The following NPHS2 variants were observed in gnomAD, a reference collection of about 807,000 sequenced individuals.
NPHS2 encodes NPHS2 stomatin family member, podocin.
In NPHS2, 36 loss-of-function variants were observed where a neutral mutation model predicts 37.1. The observed-to-expected ratio is 0.97, with a 90% confidence interval of 0.74 to 1.28. The LOEUF is 1.28. Among genes scored for constraint, NPHS2 ranks in the 50% most tolerant of loss-of-function variants. The probability of loss-of-function intolerance (pLI) is 0.00; values close to 1 mark genes in which losing one functional copy is unlikely to be tolerated. For synonymous variants in NPHS2, 196 were observed against 189.3 expected, an observed-to-expected ratio of 1.04 and a Z score of -0.29; for missense variants, 447 against 488.1, an observed-to-expected ratio of 0.92 and a Z score of 0.79.
In NPHS2 at chr1:179,560,015, T is replaced by C. The variant is rs10913817; in HGVS notation, c.452-254A>G. On this transcript the variant is annotated intron_variant, in intron 3 of 7. Transcript: ENST00000367615. ...TGTGTGGTCCTTTTAGTCATGGTGC[T>C]GCCTCCCCAGGTCTCAATTGCGTGT... Among the ~76,000 whole-genome samples the C allele has an allele frequency of 0.73, 110,711 of 152,050 alleles. 40,473 individuals carry two copies. Among genetic ancestry groups the C allele is most frequent in the African/African-American group, 0.75 (31,087 of 41,456 alleles).
chr1:179,558,159 A>G (rs896006549), intron 4 of NPHS2, among the ~76,000 whole-genome samples: 3 of 152,158 alleles, frequency 2.0e-5, no homozygotes, highest in Admixed American at 6.6e-5. Context: ...TTGTGCAACT[A>G]TCACCACCAT....
chr1:179,575,518 A>T (rs1008981365), intron 1 of NPHS2, 73 bp downstream of exon 1: 2 of 1,583,090 alleles, frequency 1.3e-6, no homozygotes, highest in African/African-American at 2.7e-5. Flanking sequence ...CGTGGGGATG[A>T]CCCTTTCCAC....
intron 4 of NPHS2, among the ~76,000 whole-genome samples, chr1:179,559,132 C>G (rs2125786212): frequency 6.6e-6 from 1 of 152,292 alleles, no homozygotes; most frequent in Non-Finnish European, 1.5e-5. Context: ...AAGAGTTTAT[C>G]TTTTCTACTG....
intron 1 of NPHS2, among the ~76,000 whole-genome samples, chr1:179,569,657 C>T (rs570723830): frequency 4.8e-4 from 73 of 152,240 alleles, no homozygotes; most frequent in African/African-American, 1.8e-3. Context: ...TACAATTTGG[C>T]ATGTTTTTGC....
At chr1:179,555,784 C>T (rs1293802190) in intron 5 of NPHS2, among the ~76,000 whole-genome samples, 1 of 152,124 alleles carries the variant, frequency 6.6e-6, no homozygotes, top group Non-Finnish European at 1.5e-5. Context: ...AGAAGGGTGG[C>T]AAGAGGTGAG....
rs747126734 is a variant in NPHS2, at chr1:179,575,573, G to A, written c.274+18C>T. ...TTACCACCTGGAAAAGTAGCAGATA[G>A]TGGTGCTGAATCCGTACCTTCCTCG... is the stretch of plus-strand genomic sequence containing the variant. On this transcript the variant is annotated intron_variant, in intron 1 of 7. Transcript: ENST00000367615. 3 of 1,600,154 alleles carry A rather than the reference G, an allele frequency of 1.9e-6. No homozygotes were observed. The highest frequency in any genetic ancestry group is 1.3e-5 in the African/African-American group (1 of 75,050).
At chr1:179,554,607 T>C in intron 5 of NPHS2, 76 bp from the exon 6 acceptor site, 2 of 1,586,466 alleles carry the variant, frequency 1.3e-6, no homozygotes. Flanking sequence ...TGGTGGCCAT[T>C]GTTCTGTACT....
chr1:179,570,531 C>T (rs1286402138), intron 1 of NPHS2, among the ~76,000 whole-genome samples: 3 of 152,220 alleles, frequency 2.0e-5, no homozygotes, highest in African/African-American at 7.2e-5. Flanking sequence ...AGCGGTTTTC[C>T]TCCCTGGGCA....
intron 1 of NPHS2, among the ~76,000 whole-genome samples, chr1:179,569,521 G>A (rs749595051): frequency 5.3e-5 from 8 of 152,078 alleles, no homozygotes; most frequent in East Asian, 1.9e-4. Flanking sequence ...TCTTTTAATT[G>A]GAGCATTTAG....
At position 179,557,195 on chromosome 1, in the gene NPHS2, A is replaced by T. The variant is rs764648330; in HGVS notation, c.570T>A (p.Asp190Glu). Residue 190 changes from aspartate (D) to glutamate (E), a missense_variant, in exon 5 of 8, where the codon GAT becomes GAA. By Grantham distance (45) the Asp-to-Glu change is conservative. Transcript: ENST00000367615. ...TTTCCATTCGGTAGTAGCAAATGGC[A>T]TCTATCTCCATTATAAACATGTCTT... ...VTKDMFIMEI[D>E]AICYYRMENA... 1 of 1,614,050 alleles carries T rather than the reference A, an allele frequency of 6.2e-7. No individual in the cohort carries two copies.
intron 1 of NPHS2, among the ~76,000 whole-genome samples, chr1:179,569,434 A>G (rs544454577): frequency 5.9e-5 from 9 of 151,990 alleles, no homozygotes; most frequent in Non-Finnish European, 1.2e-4. Flanking sequence ...GCCTATGTGA[A>G]TCTTTGCACA....
chr1:179,552,559 G>A, intron 7 of NPHS2, 44 bp downstream of exon 7: 2 of 1,479,654 alleles, frequency 1.4e-6, no homozygotes, highest in Non-Finnish European at 1.9e-6. Flanking sequence ...TCCACGAGCA[G>A]GCCTTCCTAA....
intron 1 of NPHS2, among the ~76,000 whole-genome samples, chr1:179,566,508 G>C (rs993664217): frequency 6.6e-6 from 1 of 152,188 alleles, no homozygotes; most frequent in African/African-American, 2.4e-5. Context: ...CTCCCATTCT[G>C]TAGGTTGCCT....
At chr1:179,569,454 T>A (rs1335217005) in intron 1 of NPHS2, among the ~76,000 whole-genome samples, 1 of 152,196 alleles carries the variant, frequency 6.6e-6, no homozygotes, top group Non-Finnish European at 1.5e-5. Flanking sequence ...ATCAGATGGG[T>A]CTCTGAATAC....
Position 179,557,049 on chromosome 1 carries a change from T to C in NPHS2, c.716A>G (p.Lys239Arg). 6.2e-7 allele frequency: 1 copy of C among 1,613,924 alleles called. No homozygotes were observed. The highest frequency in any genetic ancestry group is 8.5e-7 in the Non-Finnish European group (1 of 1,179,896). ...RSLTEILLER[K>R]SIAQDAKVAL... is the part of the protein sequence containing the mutation. ...TACCTTTGCATCTTGGGCGATGCTC[T>C]TCCTCTCTAGAAGAATTTCAGTGAG... Residue 239 changes from lysine (K) to arginine (R), a missense_variant, in exon 5 of 8, where the codon AAG becomes AGG. By Grantham distance (26) the Lys-to-Arg change is conservative (BLOSUM62 2). Transcript: ENST00000367615.
rs1412012263 is a variant in NPHS2, at chr1:179,564,718, A to G, written c.350T>C (p.Phe117Ser). 6.2e-7 allele frequency: 1 copy of G among 1,614,134 alleles called. No individual in the cohort carries two copies. The highest frequency in any genetic ancestry group is 1.7e-5 in the Admixed American group (1 of 60,002). Residue 117 changes from phenylalanine to serine, a missense_variant, in exon 2 of 8, where the codon TTC becomes TCC. By Grantham distance (155) the Phe-to-Ser change is radical (BLOSUM62 -2). Transcript: ENST00000367615. Reference protein sequence around the residue: ...LISLLFIIMTFPFSIWFCVKV... With the variant: ...LISLLFIIMTSPFSIWFCVKV... Reference sequence around the variant, plus strand: ...TACGCAGAACCAGATGGAAAAAGGGAAGGTCATGATGATGAAGAGCAGGGA... The same window carrying G: ...TACGCAGAACCAGATGGAAAAAGGGGAGGTCATGATGATGAAGAGCAGGGA...
rs370260554 is a variant in NPHS2, at chr1:179,557,228, G to T, written c.537C>A (p.Ile179=). 1 of 1,613,746 alleles carries T rather than the reference G, an allele frequency of 6.2e-7. No homozygotes were observed. Among genetic ancestry groups the T allele is most frequent in the Non-Finnish European group, 8.5e-7 (1 of 1,179,738 alleles). The change falls in exon 5 of 8, where the codon ATC becomes ATA. Residue 179 remains isoleucine, a splice_region_variant and synonymous_variant. Transcript: ENST00000367615. ...CCATTATAAACATGTCTTTGGTCAC[G>T]ATCTAGGCAGAAAAAAGTTTGGATG... is the stretch of plus-strand genomic sequence containing the variant. ...LQTLEIPFHE[I]VTKDMFIMEI... is the part of the protein sequence containing the mutation.
chr1:179,563,385 A>G (rs1674216730), intron 2 of NPHS2, among the ~76,000 whole-genome samples: 1 of 152,234 alleles, frequency 6.6e-6, no homozygotes, highest in Admixed American at 6.5e-5. Context: ...ACAGTTGGAG[A>G]CTTCAATACC....
intron 1 of NPHS2, among the ~76,000 whole-genome samples, chr1:179,567,040 C>A (rs948812847): frequency 3.3e-5 from 5 of 152,148 alleles, no homozygotes; most frequent in African/African-American, 9.7e-5. Context: ...ATTGTCTTGA[C>A]AATGTGGGCT....
Sources: gnomAD v4.1 joint callset for allele counts (sites outside exome capture counted in the v4.1 genomes callset) on GRCh38, gnomAD v4.1.1 for gene constraint, MANE v1.5 for transcripts, NCBI Gene and HGNC (gene_info 2026-07-23, HGNC 2026-07-21) for gene names.